The following TSGA10 variants were observed in gnomAD, a reference collection of about 807,000 sequenced individuals.
The protein encoded by TSGA10 is testis specific 10, also known as testis-specific gene 10 protein.
A neutral mutation model predicts 96.6 loss-of-function variants in TSGA10; 43 were observed. The ratio of observed to expected loss-of-function variants is 0.44; its 90% CI spans 0.35 to 0.57. The LOEUF (loss-of-function observed/expected upper bound fraction) is 0.57. Among genes scored for constraint, TSGA10 ranks in the 20% least tolerant of loss-of-function variants. TSGA10 has a pLI of 0.01. For missense variants in TSGA10, 703 were observed against 834.4 expected (o/e 0.84, Z 1.94); for synonymous variants, 229 against 269.9 (o/e 0.85, Z 1.48).
chr2:99,082,162 T>C (rs549869289), intron 10 of TSGA10, among the ~76,000 whole-genome samples: 55 of 152,358 alleles, frequency 3.6e-4, no homozygotes, highest in African/African-American at 1.3e-3. Flanking sequence ...TGTGTGAAGT[T>C]CCCAGGATTT....
At chr2:99,107,925 C>G (rs2091487188) in intron 7 of TSGA10, among the ~76,000 whole-genome samples, 1 of 152,106 alleles carries the variant, frequency 6.6e-6, no homozygotes, top group Non-Finnish European at 1.5e-5. Context: ...TGACACATAC[C>G]CTCTATTCTA....
chr2:99,150,993 T>C, intron 1 of TSGA10: 2 of 509,906 alleles, frequency 3.9e-6, no homozygotes, highest in South Asian at 3.9e-5. Flanking sequence ...CATTTTTTTA[T>C]GATGCTTATT....
At chr2:99,035,570 AGGT>A (rs2081542282) in intron 16 of TSGA10, 131 bp from the exon 17 acceptor site, 3 of 544,618 alleles carry the variant, frequency 5.5e-6, no homozygotes, top group Non-Finnish European at 6.2e-6. Flanking sequence ...TAAATAATAC[AGGT>A]GGTAACAATA....
At chr2:99,035,460 A>ATATG in intron 16 of TSGA10, 21 bp from the exon 17 acceptor site, 1 of 1,496,206 alleles carries the variant, frequency 6.7e-7, no homozygotes. Context: ...AAAATTATAT[A>ATATG]TATGTATGTA....
chr2:99,134,468 T>C (rs1036995888), intron 1 of TSGA10, among the ~76,000 whole-genome samples: 8 of 152,154 alleles, frequency 5.3e-5, no homozygotes, highest in African/African-American at 1.9e-4. Context: ...TTATTCTAGT[T>C]AGCAATTCCT....
chr2:99,127,500 G>A (rs2092888719), intron 1 of TSGA10, among the ~76,000 whole-genome samples: 1 of 152,078 alleles, frequency 6.6e-6, no homozygotes, highest in Non-Finnish European at 1.5e-5. Flanking sequence ...CTATTAGTGA[G>A]TTACGTTTGC....
At chr2:99,012,976 A>G (rs2079130460) in intron 20 of TSGA10, among the ~76,000 whole-genome samples, 1 of 152,180 alleles carries the variant, frequency 6.6e-6, no homozygotes, top group South Asian at 2.1e-4. Flanking sequence ...TATATAAAGT[A>G]TCTTCTTTTT....
chr2:99,053,482 G>C (rs1239647278), intron 16 of TSGA10, among the ~76,000 whole-genome samples: 1 of 152,014 alleles, frequency 6.6e-6, no homozygotes, highest in African/African-American at 2.4e-5. Context: ...CATGTGAAAG[G>C]CCACGTTAAC....
At position 99,005,438 on chromosome 2, in the gene TSGA10, G is replaced by A. The variant is rs2078377446; in HGVS notation, c.2073-7217C>T. On this transcript the variant is annotated intron_variant, in intron 20 of 20. Coordinates refer to ENST00000393483, the MANE Select transcript of TSGA10 (RefSeq NM_025244.4). Reference sequence around the variant, plus strand: ...CTCCTTAAGCTGATAGGCAACTTCAGCAAAGTCTCAGGATACAAAATCAAT... The same window carrying A: ...CTCCTTAAGCTGATAGGCAACTTCAACAAAGTCTCAGGATACAAAATCAAT... Among the ~76,000 whole-genome samples, 6 of 152,158 alleles carry A rather than the reference G, an allele frequency of 3.9e-5. No individual in the cohort carries two copies. The South Asian group carries it at 1.2e-3, about 31-fold the overall frequency.
intron 17 of TSGA10, among the ~76,000 whole-genome samples, chr2:99,034,534 C>T (rs2081441035): frequency 6.6e-6 from 1 of 152,114 alleles, no homozygotes; most frequent in African/African-American, 2.4e-5. Context: ...TCTATCTCTC[C>T]AGCCACTTCC....
chr2:99,101,101 A>C (rs1438179129), intron 10 of TSGA10, among the ~76,000 whole-genome samples: 1 of 151,140 alleles, frequency 6.6e-6, no homozygotes, highest in East Asian at 2.0e-4. Flanking sequence ...ATCTCTACTA[A>C]AAATACAAAA....
At chr2:99,085,342 T>G (rs1287109966) in intron 10 of TSGA10, among the ~76,000 whole-genome samples, 1 of 152,026 alleles carries the variant, frequency 6.6e-6, no homozygotes, top group Non-Finnish European at 1.5e-5. Context: ...TGATGGCTCA[T>G]GTCTATAATC....
intron 20 of TSGA10, among the ~76,000 whole-genome samples, chr2:98,998,595 A>G (rs1258158405): frequency 6.6e-6 from 1 of 152,216 alleles, no homozygotes; most frequent in Non-Finnish European, 1.5e-5. Flanking sequence ...CAGGGCTACA[A>G]CTATAAATAG....
At chr2:99,062,192 A>G (rs2084771923) in intron 16 of TSGA10, among the ~76,000 whole-genome samples, 1 of 152,228 alleles carries the variant, frequency 6.6e-6, no homozygotes, top group Admixed American at 6.5e-5. Context: ...CCTAATCTGT[A>G]AATATATATA....
chr2:99,117,658 G>A lies in TSGA10; in HGVS notation c.-254C>T. On this transcript the variant is annotated 5_prime_UTR_variant, in exon 4 of 21. Transcript: ENST00000393483. ...ATTCTTTACAAAGATGCTCATTGTG[G>A]CTGGTTAAATCATCTACTTGACTGC... 9.1e-6 allele frequency: 9 copies of A among 985,464 alleles called. No individual in the cohort carries two copies. Among genetic ancestry groups the A allele is most frequent in the Non-Finnish European group, 1.1e-5 (9 of 829,694 alleles). 61.0% of individuals were successfully genotyped at this position (985,464 alleles called of 1,614,324 possible).
Position 99,114,281 on chromosome 2 carries a change from C to A in TSGA10, c.-140+3263G>T, listed in dbSNP as rs563864941. Among the ~76,000 whole-genome samples, 440 of 152,268 alleles carry A rather than the reference C, an allele frequency of 2.9e-3. 1 individual carries two copies. The highest frequency in any genetic ancestry group is 9.0e-3 in the African/African-American group (372 of 41,558). On this transcript the variant is annotated intron_variant, in intron 4 of 20. Coordinates refer to ENST00000393483, the MANE Select transcript of TSGA10 (RefSeq NM_025244.4). ...GGAATCTCTCCCACATAAATATAAA[C>A]CTAAAATGCATATCTAATGTCTTAG...
chr2:99,100,955 T>G (rs992575929), intron 10 of TSGA10, among the ~76,000 whole-genome samples: 27 of 96,226 alleles, frequency 2.8e-4, no homozygotes, highest in East Asian at 6.0e-4. Flanking sequence ...TTAGGCTGGG[T>G]GAAAAAAAAA....
intron 10 of TSGA10, among the ~76,000 whole-genome samples, chr2:99,092,672 G>C (rs996557499): frequency 6.6e-6 from 1 of 152,064 alleles, no homozygotes; most frequent in Non-Finnish European, 1.5e-5. Flanking sequence ...AGAAAACCTA[G>C]AGGAGACGGA....
At chr2:99,085,701 G>GA (rs142883133) in intron 10 of TSGA10, among the ~76,000 whole-genome samples, 12,850 of 143,950 alleles carry the variant, frequency 0.089, 1,342 homozygotes, top group African/African-American at 0.25. Flanking sequence ...TTATCAATAT[G>GA]AAAAAAGACA....
Sources: allele counts gnomAD v4.1 joint callset (sites outside exome capture counted in the v4.1 genomes callset), GRCh38; gene constraint gnomAD v4.1.1; transcripts MANE v1.5; gene names NCBI Gene and HGNC (gene_info 2026-07-23, HGNC 2026-07-21).